UBR4: variants seen among roughly 807,000 people sequenced by gnomAD.
UBR4 encodes the protein E3 ubiquitin-protein ligase UBR4.
A neutral mutation model predicts 575.6 loss-of-function variants in UBR4; 124 were observed. That is an observed-to-expected ratio of 0.22 (90% CI 0.19 to 0.25). The LOEUF (loss-of-function observed/expected upper bound fraction) is 0.25. UBR4 is among the 10% of genes least tolerant of loss of function. The pLI is 1.00. For missense variants in UBR4, 4,818 were observed against 6,478.8 expected (o/e 0.74, Z 8.80); for synonymous variants, 2,455 against 2,473.7 (o/e 0.99, Z 0.22).
intron 9 of UBR4, among the ~76,000 whole-genome samples, chr1:19,192,772 C>T (rs2092192074): frequency 6.6e-6 from 1 of 151,964 alleles, no homozygotes; most frequent in Admixed American, 6.6e-5. Flanking sequence ...GCATGCCCAG[C>T]TCCACATCAG....
intron 30 of UBR4, 115 bp downstream of exon 30, chr1:19,165,541 A>G: frequency 8.3e-7 from 1 of 1,208,796 alleles, no homozygotes; most frequent in East Asian, 2.4e-5. Flanking sequence ...AAGTGCAGAC[A>G]CCTAACCAGG....
At chr1:19,181,581 C>T (rs1261887326) in intron 17 of UBR4, among the ~76,000 whole-genome samples, 2 of 152,166 alleles carry the variant, frequency 1.3e-5, no homozygotes, top group Non-Finnish European at 1.5e-5. Context: ...CCTCCTTTTT[C>T]ATGATCCCAC....
rs890383251 is a variant in UBR4, at chr1:19,146,956, A to G, written c.7674T>C (p.Ser2558=). Residue 2558 remains serine (S), a synonymous_variant, in exon 52 of 106, where the codon TCT becomes TCC. Coordinates refer to ENST00000375254, the MANE Select transcript of UBR4 (RefSeq NM_020765.3). ...GGTCCAAATCCTTGCCCTCTTTGCT[A>G]GATGTGTTGAGACACTGCACAGCTT... The part of the protein sequence containing the change: ...LSKAVQCLNT[S]SKEGKDLDPE... 2.5e-6 allele frequency: 4 copies of G among 1,613,532 alleles called. No individual in the cohort carries two copies. Among genetic ancestry groups the G allele is most frequent in the Non-Finnish European group, 3.4e-6 (4 of 1,179,724 alleles).
intron 103 of UBR4, chr1:19,078,353 C>A (rs572844269): frequency 1.2e-4 from 39 of 317,160 alleles, no homozygotes; most frequent in Non-Finnish European, 2.1e-4. Flanking sequence ...ATCGCCAGGG[C>A]AGACGTGGCA....
chr1:19,144,738 G>T, intron 54 of UBR4, 48 bp downstream of exon 54: 1 of 1,568,592 alleles, frequency 6.4e-7, no homozygotes, highest in Non-Finnish European at 8.7e-7. Flanking sequence ...CAATTTTCCA[G>T]ATATTCCCTG....
chr1:19,183,253 A>C lies in UBR4; in HGVS notation c.2184+558T>G, dbSNP rs575769744. Among the ~76,000 whole-genome samples, 23 of 152,278 alleles carry C rather than the reference A, an allele frequency of 1.5e-4. No individual in the cohort carries two copies. In the South Asian group the frequency reaches 4.6e-3, roughly 30 times the overall value. On this transcript the variant is annotated intron_variant, in intron 17 of 105. Transcript: ENST00000375254. Reference sequence around the variant, plus strand: ...CCACTTTTCTGCTAGCATAATCATCAGGAGTTTCTGTTTGTTTTTGTGGGT... The same window carrying C: ...CCACTTTTCTGCTAGCATAATCATCCGGAGTTTCTGTTTGTTTTTGTGGGT...
At chr1:19,190,312 A>AAAAAAAAAAAAAATATATATATATAT in intron 11 of UBR4, among the ~76,000 whole-genome samples, 2 of 79,920 alleles carry the variant, frequency 2.5e-5, no homozygotes, top group Admixed American at 1.8e-4. Flanking sequence ...AAAAAAAAAA[A>AAAAAAAAAAAAAATATATATATATAT]ATATATATAT....
intron 26 of UBR4, 35 bp downstream of exon 26, chr1:19,170,727 A>G (rs762994870): frequency 1.9e-6 from 3 of 1,614,054 alleles, no homozygotes; most frequent in Admixed American, 3.3e-5. Context: ...TAGCTGTTGT[A>G]ATAATATTAC....
rs1557622503 is a variant in UBR4 at position 19,110,580 on chromosome 1, G to A, written c.11893-116C>T. ...CTCCAACAGAGACAAAGGACAGACG[G>A]AGACCCTTGTGCTCCAGGCTCTTCC... On this transcript the variant is annotated intron_variant, in intron 79 of 105. Transcript: ENST00000375254. This position sits in a 1 kb window ranked among gnomAD's most constrained non-coding sequence, Gnocchi z 4.5. 1 of 1,343,618 alleles carries A rather than the reference G, an allele frequency of 7.4e-7. No homozygotes were observed. Among genetic ancestry groups the A allele is most frequent in the Non-Finnish European group, 1.1e-6 (1 of 947,094 alleles). The allele number at this position is 1,343,618 out of a possible 1,614,324, so 83.2% of individuals were successfully genotyped here.
intron 65 of UBR4, among the ~76,000 whole-genome samples, chr1:19,123,960 C>T (rs1470869594): frequency 6.6e-6 from 1 of 152,200 alleles, no homozygotes; most frequent in Non-Finnish European, 1.5e-5. Flanking sequence ...TAGGTTCTGC[C>T]AACAGGGAGG....
In UBR4 at chr1:19,127,751, A is replaced by G. The variant is rs2081977393; in HGVS notation, c.9112-12T>C. 1.2e-6 allele frequency: 2 copies of G among 1,610,422 alleles called. No homozygotes were observed. The highest frequency in any genetic ancestry group is 2.7e-5 in the African/African-American group (2 of 74,848). The stretch of plus-strand genomic sequence containing the variant: ...TTCTTGGAGACATCCTGCAGGCCAA[A>G]GCGTAAGTCCAGAAACCTCTACTTA... On this transcript the variant is annotated splice_polypyrimidine_tract_variant and intron_variant, in intron 62 of 105. Coordinates refer to ENST00000375254, the MANE Select transcript of UBR4 (RefSeq NM_020765.3).
chr1:19,086,809 G>C lies in UBR4; in HGVS notation c.14557C>G (p.Leu4853Val). 6.2e-7 allele frequency: 1 copy of C among 1,614,162 alleles called. No individual in the cohort carries two copies. The highest frequency in any genetic ancestry group is 8.5e-7 in the Non-Finnish European group (1 of 1,180,006). Residue 4853 changes from leucine (L) to valine (V), a missense_variant, in exon 100 of 106, where the codon CTG becomes GTG. Transcript: ENST00000375254. ...CGCTTCGTGAAGGTATAAATGCCCA[G>C]GACCTTTGTGGGCTGCAAAGACGAC... ...EGYKFQPTKV[L>V]GIYTFTKRVA...
chr1:19,207,248 G>C (rs2093056384), intron 1 of UBR4, among the ~76,000 whole-genome samples: 1 of 152,268 alleles, frequency 6.6e-6, no homozygotes, highest in Non-Finnish European at 1.5e-5. Context: ...AGCATCTACA[G>C]TGTTGGCTTT....
rs373391891 is a variant in UBR4 at position 19,141,303 on chromosome 1, G to A, written c.8488+44C>T. Reference sequence around the variant, plus strand: ...AGTAACTGCCAAACCCTCTTTTCCTGTGCAAGGCCAATGGGCCGCTTTGTT... The same window carrying A: ...AGTAACTGCCAAACCCTCTTTTCCTATGCAAGGCCAATGGGCCGCTTTGTT... On this transcript the variant is annotated intron_variant, in intron 57 of 105. Coordinates refer to ENST00000375254, the MANE Select transcript of UBR4 (RefSeq NM_020765.3). The A allele has an allele frequency of 8.7e-6, 14 of 1,613,402 alleles. No homozygotes were observed. In the African/African-American group the frequency reaches 1.7e-4, roughly 20 times the overall value.
chr1:19,202,629 CAA>C (rs887782322), intron 1 of UBR4, among the ~76,000 whole-genome samples: 3 of 151,978 alleles, frequency 2.0e-5, no homozygotes, highest in African/African-American at 7.3e-5. Flanking sequence ...AGCGAGATCA[CAA>C]AAGAGTCGGT....
rs1447752836 is a variant in UBR4 at position 19,198,143 on chromosome 1, C to T, written c.649-94G>A. 3.2e-6 allele frequency: 4 copies of T among 1,232,078 alleles called. No individual in the cohort carries two copies. The East Asian group carries it at 9.4e-5, about 29-fold the overall frequency. The allele number at this position is 1,232,078 out of a possible 1,614,324, so 76.3% of individuals were successfully genotyped here. On this transcript the variant is annotated intron_variant, in intron 5 of 105. Coordinates refer to ENST00000375254, the MANE Select transcript of UBR4 (RefSeq NM_020765.3). ...AGTAGCTGCACGGATACTCTCCAGACTCCCCAGTTAGTGAAGGGAAAATTC... is the reference window on the plus strand; with the variant it reads ...AGTAGCTGCACGGATACTCTCCAGATTCCCCAGTTAGTGAAGGGAAAATTC...
intron 38 of UBR4, 102 bp from the exon 39 acceptor site, chr1:19,160,383 A>ACTG: frequency 8.8e-7 from 1 of 1,140,742 alleles, no homozygotes; most frequent in Non-Finnish European, 1.2e-6. Context: ...TTCAGAATCC[A>ACTG]GCTACTTCAC....
chr1:19,139,825 T>A lies in UBR4; in HGVS notation c.8594-605A>T, dbSNP rs1289097722. On this transcript the variant is annotated intron_variant, in intron 58 of 105. Transcript: ENST00000375254. The surrounding 1 kb of genome is among the most constrained non-coding windows in gnomAD (Gnocchi z 4.2). ...CCTAATCATCCTCATCAGATGCTAATAATGAAGCAAGGAAATTCCCCAGAG... is the reference window on the plus strand; with the variant it reads ...CCTAATCATCCTCATCAGATGCTAAAAATGAAGCAAGGAAATTCCCCAGAG... 6.6e-6 allele frequency among the ~76,000 whole-genome samples: 1 copy of A among 152,094 alleles called. No individual in the cohort carries two copies. Among genetic ancestry groups the A allele is most frequent in the African/African-American group, 2.4e-5 (1 of 41,400 alleles).
chr1:19,178,939 TA>T, intron 18 of UBR4, 111 bp downstream of exon 18: 4 of 1,369,088 alleles, frequency 2.9e-6, no homozygotes, highest in Non-Finnish European at 3.0e-6. Flanking sequence ...CTCCCCACTC[TA>T]AACATTATCA....
Sources: allele counts gnomAD v4.1 joint callset (sites outside exome capture counted in the v4.1 genomes callset), GRCh38; gene constraint gnomAD v4.1.1; non-coding constraint Gnocchi (gnomAD v3.1); transcripts MANE v1.5; gene names NCBI Gene and HGNC (gene_info 2026-07-23, HGNC 2026-07-21).